CLVS1: variants seen among roughly 807,000 people sequenced by gnomAD.
CLVS1 encodes clavesin-1.
CLVS1 carries 10 observed loss-of-function variants against 33.1 expected under a neutral mutation model. The observed-to-expected ratio is 0.30, with a 90% CI of 0.19 to 0.51. The LOEUF is 0.51. Ranked by LOEUF, CLVS1 falls within the 20% of genes least tolerant of loss-of-function variation. The pLI, the probability that CLVS1 is intolerant of heterozygous loss-of-function variation, is 0.97. For missense variants in CLVS1, 343 were observed against 433.4 expected (o/e 0.79, Z 1.85); for synonymous variants, 163 against 166.1 (o/e 0.98, Z 0.14).
At chr8:61,356,796 C>T (rs1812729147) in intron 2 of CLVS1, among the ~76,000 whole-genome samples, 1 of 152,160 alleles carries the variant, frequency 6.6e-6, no homozygotes, top group Non-Finnish European at 1.5e-5. Flanking sequence ...GTACCAGTAC[C>T]ATGCTGTTTT....
intron 5 of CLVS1, among the ~76,000 whole-genome samples, chr8:61,475,808 C>A (rs1181766802): frequency 6.6e-6 from 1 of 152,138 alleles, no homozygotes; most frequent in African/African-American, 2.4e-5. Context: ...TAATTAGATA[C>A]CATTTGTCAA....
chr8:61,066,371 GCCTGTAGT>G (rs1804678219), intron 1 of CLVS1, among the ~76,000 whole-genome samples: 1 of 152,134 alleles, frequency 6.6e-6, no homozygotes, highest in Non-Finnish European at 1.5e-5. Context: ...GATGGTGTGT[GCCTGTAGT>G]CCTAGCTACT....
At chr8:61,206,255 T>C (rs1054434874) in intron 2 of CLVS1, among the ~76,000 whole-genome samples, 16 of 152,180 alleles carry the variant, frequency 1.1e-4, no homozygotes, top group Non-Finnish European at 2.9e-5. Context: ...CCATCAGAAC[T>C]TGAGGCAATT....
At chr8:61,289,792 T>G (rs1384205484) in intron 1 of CLVS1, among the ~76,000 whole-genome samples, 1 of 152,182 alleles carries the variant, frequency 6.6e-6, no homozygotes, top group Non-Finnish European at 1.5e-5. Flanking sequence ...CTGAGGAAAA[T>G]TCATACTTAA....
chr8:61,361,564 T>G (rs1398146330), intron 2 of CLVS1, among the ~76,000 whole-genome samples: 2 of 152,186 alleles, frequency 1.3e-5, no homozygotes, highest in African/African-American at 4.8e-5. Context: ...GTCAAATGGA[T>G]GCAATAAGTC....
chr8:61,138,227 A>T (rs1324010729), intron 2 of CLVS1, among the ~76,000 whole-genome samples: 1 of 152,236 alleles, frequency 6.6e-6, no homozygotes, highest in African/African-American at 2.4e-5. Context: ...AGAGGTCATG[A>T]GATGGCCTGT....
chr8:61,050,750 T>A, the CLVS1 span, among the ~76,000 whole-genome samples: 1 of 152,242 alleles, frequency 6.6e-6, no homozygotes, highest in East Asian at 1.9e-4. Context: ...CTTAGCTTCG[T>A]CATTGGTTTC....
In CLVS1 at chr8:61,489,294, G is replaced by A. The variant is rs373022181; in HGVS notation, c.978-10161G>A. 2.0e-5 allele frequency among the ~76,000 whole-genome samples: 3 copies of A among 152,248 alleles called. No homozygotes were observed. The East Asian group carries it at 5.8e-4, about 29-fold the overall frequency. The stretch of plus-strand genomic sequence containing the variant: ...TACTAATGTGAATATGCATGTTTAT[G>A]CCCTTTGGTTTCTTACCAAGTTATA... On this transcript the variant is annotated intron_variant, in intron 5 of 5. Coordinates refer to ENST00000325897, the MANE Select transcript of CLVS1 (RefSeq NM_173519.3).
intron 1 of CLVS1, chr8:61,131,671 GTTT>G (rs796531988): frequency 2.8e-5 from 4 of 145,368 alleles, no homozygotes; most frequent in African/African-American, 1.0e-4. Flanking sequence ...CTAGGGGCCA[GTTT>G]TTTTTTTTTT....
chr8:61,214,211 C>T (rs969122749), intron 2 of CLVS1, among the ~76,000 whole-genome samples: 65 of 152,160 alleles, frequency 4.3e-4, no homozygotes, highest in African/African-American at 1.1e-3. Flanking sequence ...CCTGTGATCT[C>T]GCCCTGCCTC....
chr8:61,400,003 G>A (rs1468030494), intron 3 of CLVS1, among the ~76,000 whole-genome samples: 1 of 152,140 alleles, frequency 6.6e-6, no homozygotes, highest in African/African-American at 2.4e-5. Flanking sequence ...GCTTAGGATT[G>A]TCTTGGCTAT....
At chr8:61,246,209 C>T (rs538971659) in intron 2 of CLVS1, among the ~76,000 whole-genome samples, 4 of 103,710 alleles carry the variant, frequency 3.9e-5, no homozygotes, top group South Asian at 3.5e-4. Flanking sequence ...GACGGAGTCT[C>T]ACTCTGTCAC....
intron 2 of CLVS1, among the ~76,000 whole-genome samples, chr8:61,176,917 T>A (rs1807123087): frequency 6.6e-6 from 1 of 152,218 alleles, no homozygotes; most frequent in Non-Finnish European, 1.5e-5. Context: ...GCCACTTGAC[T>A]AGAATCTGCC....
chr8:60,975,195 T>TCCC, the CLVS1 span, among the ~76,000 whole-genome samples: 7 of 152,154 alleles, frequency 4.6e-5, no homozygotes, highest in Non-Finnish European at 8.8e-5. Context: ...TGTGTCTGAT[T>TCCC]CCCAGTGCCA....
chr8:61,170,409 G>A (rs2129298351), intron 2 of CLVS1, among the ~76,000 whole-genome samples: 1 of 152,218 alleles, frequency 6.6e-6, no homozygotes, highest in East Asian at 1.9e-4. Flanking sequence ...CTCACTCTGA[G>A]TTAAAGGGTA....
At chr8:61,357,698 G>C (rs570244917) in intron 2 of CLVS1, among the ~76,000 whole-genome samples, 166 of 151,014 alleles carry the variant, frequency 1.1e-3, no homozygotes, top group Middle Eastern at 3.4e-3. Flanking sequence ...GTAGAGACAG[G>C]GTTTCAGCAT....
chr8:60,970,736 C>CT, the CLVS1 span, among the ~76,000 whole-genome samples: 1 of 152,268 alleles, frequency 6.6e-6, no homozygotes, highest in South Asian at 2.1e-4. Context: ...ATGCTGTGAA[C>CT]TTTCATGATG....
At chr8:61,287,786 A>C (rs1439623058), upstream of CLVS1, among the ~76,000 whole-genome samples, 1 of 152,160 alleles carries the variant, frequency 6.6e-6, no homozygotes, top group South Asian at 2.1e-4. Context: ...TCCGTTTGAA[A>C]TATTCTATTT....
chr8:61,184,677 C>T (rs1020351378), intron 2 of CLVS1, among the ~76,000 whole-genome samples: 7 of 152,060 alleles, frequency 4.6e-5, no homozygotes, highest in Admixed American at 3.3e-4. Context: ...CTGCACCCCA[C>T]CATCCCACCG....
Sources: allele counts gnomAD v4.1 joint callset (sites outside exome capture counted in the v4.1 genomes callset), GRCh38; gene constraint gnomAD v4.1.1; transcripts MANE v1.5; gene names NCBI Gene and HGNC (gene_info 2026-07-23, HGNC 2026-07-21).